Variants in LRP1 observed in about 807,000 individuals in gnomAD.
LRP1 encodes the protein prolow-density lipoprotein receptor-related protein 1.
In LRP1, 51 loss-of-function variants were observed where a neutral mutation model predicts 541.5. The ratio of observed to expected loss-of-function variants is 0.09; its 90% CI spans 0.08 to 0.12. The LOEUF (loss-of-function observed/expected upper bound fraction) is 0.12, where lower values mean the gene tolerates loss of function less well. LRP1 is among the 10% of genes least tolerant of loss of function. The pLI is 1.00. For missense variants in LRP1, 3,878 were observed against 6,376.2 expected (o/e 0.61, Z 13.34); for synonymous variants, 2,219 against 2,470.8 (o/e 0.90, Z 3.02).
chr12:57,200,230 C>T lies in LRP1; in HGVS notation c.10014+205C>T, dbSNP rs1468107517. Reference sequence around the variant, plus strand: ...CACACAGACACCTCCACACCCTAACCTTGACCCTCCTTGCCATGCTTCAGT... The same window carrying T: ...CACACAGACACCTCCACACCCTAACTTTGACCCTCCTTGCCATGCTTCAGT... On this transcript the variant is annotated intron_variant, in intron 62 of 88. Transcript: ENST00000243077. 9.4e-6 allele frequency: 6 copies of T among 636,072 alleles called. No individual in the cohort carries two copies. The South Asian group carries it at 1.2e-4, about 12-fold the overall frequency. 39.4% of individuals were successfully genotyped at this position (636,072 alleles called of 1,614,324 possible).
chr12:57,187,102 A>G (rs1192158970), intron 41 of LRP1, among the ~76,000 whole-genome samples, 165 bp from the exon 42 acceptor site: 3 of 152,184 alleles, frequency 2.0e-5, no homozygotes, highest in Non-Finnish European at 2.9e-5. Context: ...GCACTGAGTC[A>G]GACCCTGGTG....
At chr12:57,144,202 AAGTACTGCTCAAG>A (rs1318171950) in intron 4 of LRP1, among the ~76,000 whole-genome samples, 1 of 152,138 alleles carries the variant, frequency 6.6e-6, no homozygotes, top group Non-Finnish European at 1.5e-5. Flanking sequence ...ATCTAATTGG[AAGTACTGCTCAAG>A]AGTACTGCGT....
rs1339469971 is a variant in LRP1, at chr12:57,165,964, C to T, written c.2671+19C>T. ...CTCTGCCGTGAGTCACACGCCCTGCCCCACCCTGTTGGATGGCAGGCCTGC... is the reference window on the plus strand; with the variant it reads ...CTCTGCCGTGAGTCACACGCCCTGCTCCACCCTGTTGGATGGCAGGCCTGC... On this transcript the variant is annotated intron_variant, in intron 16 of 88. Transcript: ENST00000243077. The surrounding 1 kb of genome is among the most constrained non-coding windows in gnomAD (Gnocchi z 4.5). The T allele has an allele frequency of 1.2e-6, 2 of 1,613,478 alleles. No homozygotes were observed. The highest frequency in any genetic ancestry group is 1.7e-6 in the Non-Finnish European group (2 of 1,179,570).
chr12:57,142,983 G>T (rs922105278), intron 3 of LRP1, among the ~76,000 whole-genome samples: 5 of 152,114 alleles, frequency 3.3e-5, no homozygotes, highest in African/African-American at 4.8e-5. Context: ...TTGTGGCCAG[G>T]CTGCCTGGCC....
Position 57,156,328 on chromosome 12 carries a change from G to C in LRP1, c.1417+45G>C. On this transcript the variant is annotated intron_variant, in intron 9 of 88. Coordinates refer to ENST00000243077, the MANE Select transcript of LRP1 (RefSeq NM_002332.3). The surrounding 1 kb of genome is among the most constrained non-coding windows in gnomAD (Gnocchi z 5.2). ...CCCTCCAAAGCTGGCTTTACCCCAT[G>C]ATGGCTCTGGGACCTTGGGATCACA... is the stretch of plus-strand genomic sequence containing the variant. The C allele has an allele frequency of 6.3e-7, 1 of 1,591,158 alleles. No individual in the cohort carries two copies. Among genetic ancestry groups the C allele is most frequent in the South Asian group, 1.1e-5 (1 of 88,698 alleles).
At chr12:57,149,506 A>C in intron 6 of LRP1, 1 of 620,684 alleles carries the variant, frequency 1.6e-6, no homozygotes, top group Non-Finnish European at 2.9e-6. Context: ...GAAGTAACTT[A>C]AGCAAGAGAG....
chr12:57,197,101 G>C lies in LRP1; in HGVS notation c.9012G>C (p.Lys3004Asn). The change falls in exon 56 of 89, where the codon AAG (lysine) becomes AAC (asparagine). Residue 3004 changes from lysine (K) to asparagine (N), a missense_variant. By Grantham distance (94) the Lys-to-Asn change is moderately conservative (BLOSUM62 0). Transcript: ENST00000243077. This position sits in a 1 kb window ranked among gnomAD's most constrained non-coding sequence, Gnocchi z 4.5. ...QRCINTHGSY[K>N]CLCVEGYAPR... ...GCATCAACACTCATGGCAGCTATAA[G>C]TGTCTGTGTGTGGAGGGCTATGCAC... 3 of 1,614,144 alleles carry C rather than the reference G, an allele frequency of 1.9e-6. No homozygotes were observed. Among genetic ancestry groups the C allele is most frequent in the Non-Finnish European group, 2.5e-6 (3 of 1,180,018 alleles).
At chr12:57,210,615 T>G in intron 82 of LRP1, 103 bp from the exon 83 acceptor site, 1 of 1,402,094 alleles carries the variant, frequency 7.1e-7, no homozygotes, top group South Asian at 1.3e-5. Flanking sequence ...ATCCAGTCAC[T>G]CCAGTCTCTG....
Position 57,138,729 on chromosome 12 carries a change from C to T in LRP1, c.190+148C>T, listed in dbSNP as rs1363817530. On this transcript the variant is annotated intron_variant, in intron 2 of 88. Coordinates refer to ENST00000243077, the MANE Select transcript of LRP1 (RefSeq NM_002332.3). Reference sequence around the variant, plus strand: ...TGTCCATGACACAGCTAAAACTGTCCTTTACACCCCTTCAAAATGCTTGGC... The same window carrying T: ...TGTCCATGACACAGCTAAAACTGTCTTTTACACCCCTTCAAAATGCTTGGC... 4 of 1,097,576 alleles carry T rather than the reference C, an allele frequency of 3.6e-6. No homozygotes were observed. In the East Asian group the frequency reaches 7.7e-5, roughly 21 times the overall value. The allele number at this position is 1,097,576 out of a possible 1,614,324, so 68.0% of individuals were successfully genotyped here. A position where few individuals can be genotyped will look rare whatever the true frequency, so the allele number is the denominator to read the frequency against.
In LRP1 at chr12:57,141,257, C is replaced by T. The variant is rs2035284280; in HGVS notation, c.191-117C>T. The T allele has an allele frequency of 2.6e-6, 3 of 1,169,334 alleles. No homozygotes were observed. In the African/African-American group the frequency reaches 4.6e-5, roughly 18 times the overall value. 72.4% of individuals were successfully genotyped at this position (1,169,334 alleles called of 1,614,324 possible). A position where few individuals can be genotyped will look rare whatever the true frequency, so the allele number is the denominator to read the frequency against. On this transcript the variant is annotated intron_variant, in intron 2 of 88. Transcript: ENST00000243077. Reference sequence around the variant, plus strand: ...TTCCAGGTGGAAGAGTCTAACTAGCCCCGAGGCCTCCTGAGATCTGAAACC... The same window carrying T: ...TTCCAGGTGGAAGAGTCTAACTAGCTCCGAGGCCTCCTGAGATCTGAAACC...
chr12:57,200,826 G>GGGGGCCCC lies in LRP1; in HGVS notation c.10225+11_10225+12insGGGGCCCC. 1 of 1,581,430 alleles carries GGGGGCCCC rather than the reference G, an allele frequency of 6.3e-7. No individual in the cohort carries two copies. Among genetic ancestry groups the GGGGGCCCC allele is most frequent in the Non-Finnish European group, 8.6e-7 (1 of 1,157,674 alleles). On this transcript the variant is annotated intron_variant, in intron 64 of 88. Transcript: ENST00000243077. ...ACGAGGCCAACTGTGGTAAGGCGCT[G>GGGGGCCCC]CCCGCCCACCCTCCCTCCTTCCCCA...
chr12:57,159,054 A>C (rs943447401), intron 11 of LRP1, among the ~76,000 whole-genome samples: 6 of 152,174 alleles, frequency 3.9e-5, no homozygotes, highest in Non-Finnish European at 8.8e-5. Flanking sequence ...ACTGCATGCT[A>C]ATGTGTCCTG....
At chr12:57,138,390 AG>A in intron 1 of LRP1, 68 bp from the exon 2 acceptor site, 1 of 1,571,192 alleles carries the variant, frequency 6.4e-7, no homozygotes, top group Non-Finnish European at 8.7e-7. Flanking sequence ...GAGCAGTACT[AG>A]GGGACTTTGG....
chr12:57,195,263 C>A lies in LRP1; in HGVS notation c.8309-8C>A. 1.2e-6 allele frequency: 2 copies of A among 1,613,198 alleles called. No individual in the cohort carries two copies. The highest frequency in any genetic ancestry group is 2.7e-5 in the African/African-American group (2 of 75,060). ...TAAGTCTCTCAGTGGCCCTCTCTCC[C>A]CCTACAGAAGGCAAGACGTGCGGCC... is the stretch of plus-strand genomic sequence containing the variant. On this transcript the variant is annotated splice_region_variant and splice_polypyrimidine_tract_variant and intron_variant, in intron 51 of 88. Transcript: ENST00000243077.
At chr12:57,143,193 C>A (rs1034047201) in intron 3 of LRP1, among the ~76,000 whole-genome samples, 1 of 152,214 alleles carries the variant, frequency 6.6e-6, no homozygotes, top group Non-Finnish European at 1.5e-5. Context: ...CTCTCTGAGG[C>A]CTCTAGGGCT....
At position 57,211,529 on chromosome 12, in the gene LRP1, C is replaced by T. The variant is rs761444231; in HGVS notation, c.13134C>T (p.Val4378=). Residue 4378 remains valine (V), a synonymous_variant, in exon 85 of 89, where the codon GTC becomes GTT. Coordinates refer to ENST00000243077, the MANE Select transcript of LRP1 (RefSeq NM_002332.3). The surrounding 1 kb of genome is among the most constrained non-coding windows in gnomAD (Gnocchi z 4.3). ...TGGCCCCCAGCTGTCTGACCTGCGT[C>T]GGCCACTGCAGCAATGGCGGCTCCT... ...GRVAPSCLTC[V]GHCSNGGSCT... 3.6e-5 allele frequency: 58 copies of T among 1,613,958 alleles called. 2 individuals carry two copies. Among genetic ancestry groups the T allele is most frequent in the South Asian group, 1.5e-4 (14 of 91,090 alleles).
chr12:57,203,449 C>T lies in LRP1; in HGVS notation c.10879C>T (p.Pro3627Ser), dbSNP rs377673082. 13 of 1,603,970 alleles carry T rather than the reference C, an allele frequency of 8.1e-6. No homozygotes were observed. The highest frequency in any genetic ancestry group is 2.7e-5 in the African/African-American group (2 of 74,710). ...QFQCKSGHCIPLRWRCDADAD... is the reference protein window; with the variant it reads ...QFQCKSGHCISLRWRCDADAD... ...CCAGTGCAAGAGCGGCCACTGCATC[C>T]CCCTGCGCTGGCGCTGTGACGCAGA... Residue 3627 changes from proline to serine, a missense_variant, in exon 70 of 89, where the codon CCC becomes TCC. Pro to Ser is a moderately conservative substitution (Grantham distance 74). Transcript: ENST00000243077.
rs2036247668 is a variant in LRP1, at chr12:57,185,313, A to G, written c.6463+108A>G. 1 of 1,475,130 alleles carries G rather than the reference A, an allele frequency of 6.8e-7. No individual in the cohort carries two copies. The highest frequency in any genetic ancestry group is 2.0e-5 in the Admixed American group (1 of 51,060). 91.4% of individuals were successfully genotyped at this position (1,475,130 alleles called of 1,614,324 possible). The stretch of plus-strand genomic sequence containing the variant: ...GAGGGCTGGGAGACAAGTTAGACCC[A>G]TGGGGCAACTTCCGATGGCCCGAGA... On this transcript the variant is annotated intron_variant, in intron 40 of 88. Transcript: ENST00000243077. The surrounding 1 kb of genome is among the most constrained non-coding windows in gnomAD (Gnocchi z 4.9).
rs993970713 is a variant in LRP1, at chr12:57,183,117, A to G, written c.5663-262A>G. Among the ~76,000 whole-genome samples the G allele has an allele frequency of 4.6e-5, 7 of 152,060 alleles. No homozygotes were observed. The highest frequency in any genetic ancestry group is 8.8e-5 in the Non-Finnish European group (6 of 67,990). Reference sequence around the variant, plus strand: ...TGCTGGGTGGAGGCCGGCAGAGCACAGGGTGAGAAATCCGAGTCTCTGCTG... The same window carrying G: ...TGCTGGGTGGAGGCCGGCAGAGCACGGGGTGAGAAATCCGAGTCTCTGCTG... On this transcript the variant is annotated intron_variant, in intron 34 of 88. Transcript: ENST00000243077. The surrounding 1 kb of genome is among the most constrained non-coding windows in gnomAD (Gnocchi z 6.1).
Sources: gnomAD v4.1 joint callset for allele counts (sites outside exome capture counted in the v4.1 genomes callset) on GRCh38, gnomAD v4.1.1 for gene constraint, Gnocchi (gnomAD v3.1) non-coding constraint, MANE v1.5 for transcripts, NCBI Gene and HGNC (gene_info 2026-07-23, HGNC 2026-07-21) for gene names.